Variants in PRELID2 observed in about 807,000 individuals in gnomAD.
PRELID2 encodes PRELI domain-containing protein 2.
Under a neutral mutation model 28.4 loss-of-function variants are expected in PRELID2, and 25 were observed. The observed-to-expected ratio is 0.88, with a 90% CI of 0.64 to 1.23. The LOEUF is 1.23. Among genes scored for constraint, PRELID2 ranks in the 50% most tolerant of loss-of-function variants. PRELID2 has a pLI of 0.00. For synonymous variants in PRELID2, 76 were observed against 71.6 expected (o/e 1.06, Z -0.31); for missense variants, 201 against 214.4 (o/e 0.94, Z 0.39).
chr5:145,469,226 G>A (rs1190129704), downstream of PRELID2, among the ~76,000 whole-genome samples: 2 of 151,906 alleles, frequency 1.3e-5, no homozygotes, highest in African/African-American at 4.8e-5. Flanking sequence ...ATAACATTTT[G>A]TTATCTTAAA....
the PRELID2 span, among the ~76,000 whole-genome samples, chr5:145,334,616 C>T: frequency 1.3e-5 from 2 of 152,132 alleles, no homozygotes; most frequent in Admixed American, 1.3e-4. Context: ...TAATAATTAG[C>T]ATCTTTTATT....
chr5:145,308,407 C>T, the PRELID2 span, among the ~76,000 whole-genome samples: 1 of 152,200 alleles, frequency 6.6e-6, no homozygotes, highest in Non-Finnish European at 1.5e-5. Flanking sequence ...TTTTAAAACA[C>T]ATTTTTTATT....
the PRELID2 span, among the ~76,000 whole-genome samples, chr5:145,425,098 A>G: frequency 6.6e-6 from 1 of 152,240 alleles, no homozygotes; most frequent in African/African-American, 2.4e-5. Context: ...AGTAGGCAAA[A>G]GACATGAACA....
At chr5:145,348,409 G>C in the PRELID2 span, among the ~76,000 whole-genome samples, 1 of 151,890 alleles carries the variant, frequency 6.6e-6, no homozygotes, top group South Asian at 2.1e-4. Flanking sequence ...CTTTTTCTAT[G>C]CTATAACCAA....
At chr5:145,415,124 G>A in the PRELID2 span, among the ~76,000 whole-genome samples, 1 of 152,068 alleles carries the variant, frequency 6.6e-6, no homozygotes, top group Non-Finnish European at 1.5e-5. Context: ...CAAAAGAACT[G>A]AAATACTAAC....
At chr5:145,707,478 T>C (rs1260102649) in intron 1 of PRELID2, among the ~76,000 whole-genome samples, 1 of 152,160 alleles carries the variant, frequency 6.6e-6, no homozygotes, top group African/African-American at 2.4e-5. Flanking sequence ...CTTAAGTGTG[T>C]CCACCAGGAA....
the PRELID2 span, among the ~76,000 whole-genome samples, chr5:145,388,097 T>A: frequency 3.1e-3 from 465 of 152,194 alleles, no homozygotes; most frequent in Non-Finnish European, 4.5e-3. Flanking sequence ...AGGATGAGGA[T>A]GGTAGAAACA....
intron 1 of PRELID2, among the ~76,000 whole-genome samples, chr5:145,622,602 T>C (rs1753787783): frequency 6.6e-6 from 1 of 152,150 alleles, no homozygotes; most frequent in South Asian, 2.1e-4. Flanking sequence ...AAAAATAGCA[T>C]AAACTTGGGA....
At chr5:145,561,720 C>T (rs965182648) in intron 1 of PRELID2, among the ~76,000 whole-genome samples, 1 of 152,216 alleles carries the variant, frequency 6.6e-6, no homozygotes, top group Non-Finnish European at 1.5e-5. Flanking sequence ...TTCACTGTCA[C>T]ATAGCCTCTC....
chr5:145,670,261 C>G (rs1581042307), intron 1 of PRELID2, among the ~76,000 whole-genome samples: 1 of 152,074 alleles, frequency 6.6e-6, no homozygotes, highest in African/African-American at 2.4e-5. Flanking sequence ...GGGAACAAGA[C>G]AGCAAGGGGA....
intron 1 of PRELID2, among the ~76,000 whole-genome samples, chr5:145,667,847 C>T (rs1581040241): frequency 6.6e-6 from 1 of 152,104 alleles, no homozygotes. Context: ...CAATTGTAGA[C>T]TTGCTTAGCG....
rs115847288 is a variant in PRELID2 at position 145,587,023 on chromosome 5, C to T, written n.71-113708G>A. 1.3e-3 allele frequency among the ~76,000 whole-genome samples: 196 copies of T among 152,112 alleles called. 2 individuals are homozygous for T. Among genetic ancestry groups the T allele is most frequent in the African/African-American group, 4.6e-3 (192 of 41,500 alleles). ...TGAAACTAATTGGTTATTGTAAAGGCCAAATATGCCAAGAGTCTATCTGGC... is the reference window on the plus strand; with the variant it reads ...TGAAACTAATTGGTTATTGTAAAGGTCAAATATGCCAAGAGTCTATCTGGC... On this transcript the variant is annotated intron_variant and non_coding_transcript_variant, in intron 1 of 2. Transcript: ENST00000510259.
chr5:145,729,598 G>T (rs1368701447), intron 1 of PRELID2, among the ~76,000 whole-genome samples: 4 of 152,074 alleles, frequency 2.6e-5, no homozygotes, highest in Non-Finnish European at 5.9e-5. Flanking sequence ...TTGTCCCATT[G>T]TTACCCTGGT....
intron 1 of PRELID2, among the ~76,000 whole-genome samples, chr5:145,692,614 T>C (rs1755173719): frequency 6.6e-6 from 1 of 152,094 alleles, no homozygotes; most frequent in South Asian, 2.1e-4. Context: ...ACAAAAAAAA[T>C]CAAAGTAAAT....
chr5:145,785,609 G>C (rs1307644955), intron 5 of PRELID2, among the ~76,000 whole-genome samples: 1 of 152,100 alleles, frequency 6.6e-6, no homozygotes, highest in Non-Finnish European at 1.5e-5. Context: ...GACACCAAAG[G>C]CTTTGATTAT....
At chr5:145,401,351 A>C in the PRELID2 span, among the ~76,000 whole-genome samples, 1 of 152,016 alleles carries the variant, frequency 6.6e-6, no homozygotes, top group Non-Finnish European at 1.5e-5. Context: ...TAAGAAGGAG[A>C]GTATGGAATT....
At chr5:145,521,490 T>C (rs2126650717) in intron 1 of PRELID2, among the ~76,000 whole-genome samples, 1 of 152,290 alleles carries the variant, frequency 6.6e-6, no homozygotes, top group South Asian at 2.1e-4. Flanking sequence ...TCCAGTGTGG[T>C]TGTAAAATAT....
the PRELID2 span, among the ~76,000 whole-genome samples, chr5:145,423,706 T>C: frequency 1.7e-5 from 2 of 118,256 alleles, no homozygotes; most frequent in African/African-American, 6.4e-5. Flanking sequence ...TCAGAGTAAT[T>C]TGATCGTCTG....
At chr5:145,575,174 AG>A (rs1442484720) in intron 1 of PRELID2, among the ~76,000 whole-genome samples, 3 of 152,126 alleles carry the variant, frequency 2.0e-5, no homozygotes, top group African/African-American at 7.2e-5. Context: ...CTATAATTCC[AG>A]AATCGGGGTT....
Sources: gnomAD v4.1 joint callset for allele counts (sites outside exome capture counted in the v4.1 genomes callset) on GRCh38, gnomAD v4.1.1 for gene constraint, MANE v1.5 for transcripts, NCBI Gene and HGNC (gene_info 2026-07-23, HGNC 2026-07-21) for gene names.